TMEM117: variants seen among roughly 807,000 people sequenced by gnomAD.
TMEM117 encodes the protein transmembrane protein 117.
A neutral mutation model predicts 52.4 loss-of-function variants in TMEM117; 27 were observed. The observed-to-expected ratio is 0.51, with a 90% CI of 0.38 to 0.71. TMEM117 has a LOEUF of 0.71. TMEM117 is among the 30% of genes least tolerant of loss of function. The pLI, the probability that TMEM117 is intolerant of heterozygous loss-of-function variation, is 0.00. For missense variants in TMEM117, 556 were observed against 630.5 expected, an observed-to-expected ratio of 0.88 and a Z score of 1.26; for synonymous variants, 215 against 206.3, an observed-to-expected ratio of 1.04 and a Z score of -0.36.
At chr12:44,352,463 A>G (rs892174991) in intron 6 of TMEM117, among the ~76,000 whole-genome samples, 2 of 151,986 alleles carry the variant, frequency 1.3e-5, no homozygotes, top group Admixed American at 1.3e-4. Context: ...ACCCCACAAC[A>G]GTCCCCGGAG....
At chr12:43,848,390 T>C (rs1255717111) in intron 2 of TMEM117, among the ~76,000 whole-genome samples, 1 of 152,118 alleles carries the variant, frequency 6.6e-6, no homozygotes, top group African/African-American at 2.4e-5. Context: ...TTCCCAGAGC[T>C]GCCGTTTATA....
chr12:44,151,872 T>TTA (rs1948731086), intron 4 of TMEM117, among the ~76,000 whole-genome samples: 1 of 131,786 alleles, frequency 7.6e-6, no homozygotes, highest in South Asian at 2.5e-4. Context: ...ATTTAATATA[T>TTA]TATATATTAT....
chr12:43,852,411 A>G (rs1172481124), intron 2 of TMEM117, among the ~76,000 whole-genome samples: 2 of 145,028 alleles, frequency 1.4e-5, no homozygotes, highest in Admixed American at 7.2e-5. Flanking sequence ...AACCTGGGCG[A>G]CAGTGCAAGA....
At position 44,357,447 on chromosome 12, in the gene TMEM117, C is replaced by T. The variant is rs536985893; in HGVS notation, c.769-19148C>T. Among the ~76,000 whole-genome samples, 19 of 152,076 alleles carry T rather than the reference C, an allele frequency of 1.2e-4. No homozygotes were observed. In the East Asian group the frequency reaches 2.7e-3, roughly 22 times the overall value. The stretch of plus-strand genomic sequence containing the variant: ...AGAGTGAATGAATAAAGAAGCACAG[C>T]GAAGTGACTAAGTCAGAGGAGGGAC... On this transcript the variant is annotated intron_variant, in intron 6 of 7. Transcript: ENST00000266534.
chr12:44,014,863 A>G (rs1341571631), intron 3 of TMEM117, among the ~76,000 whole-genome samples: 1 of 151,970 alleles, frequency 6.6e-6, no homozygotes, highest in African/African-American at 2.4e-5. Context: ...TGTTCTGTGA[A>G]ATACTGTGAT....
chr12:43,963,704 G>T (rs1378583154), intron 3 of TMEM117, among the ~76,000 whole-genome samples: 2 of 152,200 alleles, frequency 1.3e-5, no homozygotes, highest in African/African-American at 4.8e-5. Context: ...ACTAGAAGAT[G>T]CAAGTCAAGG....
At chr12:44,106,850 G>A (rs983564352) in intron 3 of TMEM117, among the ~76,000 whole-genome samples, 1 of 151,738 alleles carries the variant, frequency 6.6e-6, no homozygotes, top group Non-Finnish European at 1.5e-5. Flanking sequence ...TTATTTTTGA[G>A]CTTAGTTTCT....
intron 3 of TMEM117, among the ~76,000 whole-genome samples, chr12:44,101,299 G>A (rs977453038): frequency 6.6e-6 from 1 of 151,814 alleles, no homozygotes; most frequent in Non-Finnish European, 1.5e-5. Context: ...TGGTGCCTTC[G>A]AGTGACACAA....
intron 4 of TMEM117, among the ~76,000 whole-genome samples, chr12:44,187,951 G>C (rs1319174074): frequency 6.6e-6 from 1 of 152,108 alleles, no homozygotes; most frequent in East Asian, 1.9e-4. Context: ...TGAAATAACA[G>C]CTTTTTTCAG....
intron 5 of TMEM117, among the ~76,000 whole-genome samples, chr12:44,214,564 C>T (rs1038281906): frequency 2.0e-5 from 3 of 152,104 alleles, no homozygotes; most frequent in Admixed American, 6.6e-5. Flanking sequence ...TAATTAGTCA[C>T]TGGCAAGTAG....
chr12:44,135,312 G>A (rs1948473865), intron 3 of TMEM117, among the ~76,000 whole-genome samples: 1 of 152,156 alleles, frequency 6.6e-6, no homozygotes, highest in South Asian at 2.1e-4. Flanking sequence ...CACTAGCTCT[G>A]GGGTGCTATT....
intron 2 of TMEM117, among the ~76,000 whole-genome samples, chr12:43,887,777 A>G (rs1944023538): frequency 6.6e-6 from 1 of 152,256 alleles, no homozygotes; most frequent in Non-Finnish European, 1.5e-5. Context: ...TAGCCAGACA[A>G]GGACCAATCT....
intron 3 of TMEM117, among the ~76,000 whole-genome samples, chr12:43,971,799 T>C (rs1345057512): frequency 6.6e-6 from 1 of 152,214 alleles, no homozygotes; most frequent in Non-Finnish European, 1.5e-5. Context: ...TTTTAAAATA[T>C]ACAATGCATT....
chr12:43,861,367 C>T (rs1438588686), intron 2 of TMEM117, among the ~76,000 whole-genome samples: 1 of 152,178 alleles, frequency 6.6e-6, no homozygotes, highest in Non-Finnish European at 1.5e-5. Flanking sequence ...GTTATAACCC[C>T]AGCCATGAGT....
chr12:43,995,701 C>T (rs1439692590), intron 3 of TMEM117, among the ~76,000 whole-genome samples: 5 of 152,122 alleles, frequency 3.3e-5, no homozygotes, highest in Admixed American at 2.0e-4. Flanking sequence ...ATAATGCTAG[C>T]TAGTGATCTG....
chr12:44,098,523 G>A (rs1336485353), intron 3 of TMEM117, among the ~76,000 whole-genome samples: 1 of 152,008 alleles, frequency 6.6e-6, no homozygotes, highest in Non-Finnish European at 1.5e-5. Context: ...GCAAATATGA[G>A]GGCTTTGGTC....
At chr12:43,941,005 C>T (rs1221981253) in intron 2 of TMEM117, among the ~76,000 whole-genome samples, 1 of 152,124 alleles carries the variant, frequency 6.6e-6, no homozygotes, top group African/African-American at 2.4e-5. Context: ...TCCCTGTGCC[C>T]TCCCACCCTC....
At chr12:43,804,991 C>T in the TMEM117 span, among the ~76,000 whole-genome samples, 1 of 152,058 alleles carries the variant, frequency 6.6e-6, no homozygotes, top group Non-Finnish European at 1.5e-5. Flanking sequence ...TGTATTTTCC[C>T]GTTAAAAACA....
intron 3 of TMEM117, among the ~76,000 whole-genome samples, chr12:44,138,267 T>C (rs1383035661): frequency 6.6e-6 from 1 of 152,048 alleles, no homozygotes; most frequent in East Asian, 1.9e-4. Context: ...AGTTTCAGAT[T>C]AGAGATGATT....
Sources: gnomAD v4.1 joint callset for allele counts (sites outside exome capture counted in the v4.1 genomes callset) on GRCh38, gnomAD v4.1.1 for gene constraint, MANE v1.5 for transcripts, NCBI Gene and HGNC (gene_info 2026-07-23, HGNC 2026-07-21) for gene names.